RNF4: variants seen among roughly 807,000 people sequenced by gnomAD.
RNF4 encodes ring finger protein 4.
Under a neutral mutation model 24.3 loss-of-function variants are expected in RNF4, and 7 were observed. That is an observed-to-expected ratio of 0.29 (90% CI 0.16 to 0.54). The LOEUF (loss-of-function observed/expected upper bound fraction) is 0.54. RNF4 is among the 20% of genes least tolerant of loss of function. The pLI is 0.95. For synonymous variants in RNF4, 83 were observed against 84.3 expected, an observed-to-expected ratio of 0.98 and a Z score of 0.09; for missense variants, 209 against 248.5, an observed-to-expected ratio of 0.84 and a Z score of 1.07.
intron 4 of RNF4, among the ~76,000 whole-genome samples, chr4:2,508,577 G>T (rs1442813763): frequency 6.6e-6 from 1 of 151,978 alleles, no homozygotes; most frequent in Admixed American, 6.6e-5. Flanking sequence ...TTGTTTGTTT[G>T]GTTTTTGTTT....
At chr4:2,486,922 T>G (rs1735428285) in intron 1 of RNF4, among the ~76,000 whole-genome samples, 1 of 152,188 alleles carries the variant, frequency 6.6e-6, no homozygotes, top group East Asian at 1.9e-4. Context: ...AGATATTTCT[T>G]GAGATCAGAA....
At chr4:2,474,125 C>T (rs1379689584) in intron 1 of RNF4, among the ~76,000 whole-genome samples, 1 of 152,046 alleles carries the variant, frequency 6.6e-6, no homozygotes, top group East Asian at 1.9e-4. Flanking sequence ...CCTGTAATCC[C>T]AGCACTTTGG....
intron 3 of RNF4, among the ~76,000 whole-genome samples, chr4:2,497,538 T>C (rs947715393): frequency 1.3e-5 from 2 of 152,222 alleles, no homozygotes; most frequent in Non-Finnish European, 2.9e-5. Context: ...GGATTTCCCC[T>C]TCTGCCTGCT....
At chr4:2,504,576 A>G (rs1209687773) in intron 4 of RNF4, among the ~76,000 whole-genome samples, 1 of 141,856 alleles carries the variant, frequency 7.0e-6, no homozygotes, top group Non-Finnish European at 1.5e-5. Flanking sequence ...TTTGAGACAG[A>G]GTCTTGCACT....
Position 2,513,724 on chromosome 4 carries a change from A to G in RNF4, c.478A>G (p.Ser160Gly). ...VSTECGHVFC[S>G]QCLRDSLKNA... ...CACAGAATGCGGCCATGTCTTCTGT[A>G]GCCAGTGCCTCCGTGATTCCCTGAA... The change falls in exon 8 of 8, where the codon AGC (serine) becomes GGC (glycine). Residue 160 changes from serine to glycine, a missense_variant. Coordinates refer to ENST00000314289, the MANE Select transcript of RNF4 (RefSeq NM_002938.5). The G allele has an allele frequency of 6.2e-7, 1 of 1,614,004 alleles. No individual in the cohort carries two copies. Among genetic ancestry groups the G allele is most frequent in the East Asian group, 2.2e-5 (1 of 44,892 alleles).
At position 2,513,990 on chromosome 4, in the gene RNF4, C is replaced by T; in HGVS notation, c.*171C>T. The T allele has an allele frequency of 1.1e-6, 1 of 885,096 alleles. No homozygotes were observed. Among genetic ancestry groups the T allele is most frequent in the Non-Finnish European group, 1.7e-6 (1 of 582,452 alleles). 54.8% of individuals were successfully genotyped at this position (885,096 alleles called of 1,614,324 possible). On this transcript the variant is annotated 3_prime_UTR_variant, in exon 8 of 8. Coordinates refer to ENST00000314289, the MANE Select transcript of RNF4 (RefSeq NM_002938.5). ...TCCTTTTGTTATCTCCAGTTTGATG[C>T]TATGGCGCTGGACCCAGGGCCCTCC... is the stretch of plus-strand genomic sequence containing the variant.
intron 2 of RNF4, among the ~76,000 whole-genome samples, chr4:2,495,406 G>A (rs182302787): frequency 2.0e-5 from 3 of 152,248 alleles, no homozygotes; most frequent in African/African-American, 4.8e-5. Context: ...TAAGGAATTG[G>A]GATAGTAGTA....
intron 4 of RNF4, among the ~76,000 whole-genome samples, chr4:2,508,812 A>G (rs545794045): frequency 1.3e-4 from 18 of 143,424 alleles, no homozygotes; most frequent in African/African-American, 4.4e-4. Flanking sequence ...GGGTTTCTCC[A>G]TGTTGGTCAG....
At position 2,512,108 on chromosome 4, in the gene RNF4, C is replaced by G; in HGVS notation, c.214+143C>G. 1.4e-6 allele frequency: 1 copy of G among 730,022 alleles called. No individual in the cohort carries two copies. The allele number at this position is 730,022 out of a possible 1,614,324, so 45.2% of individuals were successfully genotyped here. A position where few individuals can be genotyped will look rare whatever the true frequency, so the allele number is the denominator to read the frequency against. On this transcript the variant is annotated intron_variant, in intron 5 of 7. Transcript: ENST00000314289. The surrounding 1 kb of genome is among the most constrained non-coding windows in gnomAD (Gnocchi z 4.1). ...AAGATGCCTTCGCAGATGCTGTGGT[C>G]AGACCCACACAGCCAGTCCCCCTTG...
intron 3 of RNF4, among the ~76,000 whole-genome samples, chr4:2,500,365 C>T (rs563316027): frequency 1.3e-5 from 2 of 152,168 alleles, no homozygotes; most frequent in East Asian, 1.9e-4. Context: ...GAGGCATAGC[C>T]GTGTGGAAGT....
chr4:2,490,644 C>G lies in RNF4; in HGVS notation c.9+142C>G, dbSNP rs540445603. ...TTGAAGGAGTATGTATAGGAGCTTT[C>G]TGGTGGTTACATCAGCTTACTTACC... On this transcript the variant is annotated intron_variant, in intron 2 of 7. Coordinates refer to ENST00000314289, the MANE Select transcript of RNF4 (RefSeq NM_002938.5). 8 of 808,770 alleles carry G rather than the reference C, an allele frequency of 9.9e-6. No homozygotes were observed. In the African/African-American group the frequency reaches 1.4e-4, roughly 14 times the overall value. 50.1% of individuals were successfully genotyped at this position (808,770 alleles called of 1,614,324 possible). A position where few individuals can be genotyped will look rare whatever the true frequency, so the allele number is the denominator to read the frequency against.
In RNF4 at chr4:2,515,057, TG is replaced by T. The variant is rs35678836; in HGVS notation, c.*1244del. The T allele has an allele frequency of 0.85, 128,937 of 152,488 alleles. 54,923 individuals are homozygous for T. Among genetic ancestry groups the T allele is most frequent in the Middle Eastern group, 0.91 (268 of 294 alleles). 9.4% of individuals were successfully genotyped at this position (152,488 alleles called of 1,614,324 possible). ...AAGCTGCCCCTGACAGCACAGGGCC[TG>T]GGGGGTGGCTAACGAGAGAGGCCTT... On this transcript the variant is annotated 3_prime_UTR_variant, in exon 8 of 8. Transcript: ENST00000314289.
intron 4 of RNF4, among the ~76,000 whole-genome samples, chr4:2,504,158 G>T (rs1354816955): frequency 6.6e-6 from 1 of 152,172 alleles, no homozygotes; most frequent in African/African-American, 2.4e-5. Context: ...TGAAAAATGC[G>T]GTAAGATGCA....
rs1163273176 is a variant in RNF4 at position 2,502,870 on chromosome 4, AAAC to A, written c.204+2134_204+2136del. 8.6e-5 allele frequency among the ~76,000 whole-genome samples: 13 copies of A among 151,724 alleles called. No individual in the cohort carries two copies. In the East Asian group the frequency reaches 2.5e-3, roughly 29 times the overall value. On this transcript the variant is annotated intron_variant, in intron 4 of 7. Transcript: ENST00000314289. Reference sequence around the variant, plus strand: ...AAAAAAAAAAAAAAGAAAAGAAAAGAAACAGGGTCTCACTCTGTTGCCCAGGCT... The same window carrying A: ...AAAAAAAAAAAAAAGAAAAGAAAAGAAGGGTCTCACTCTGTTGCCCAGGCT...
chr4:2,495,227 T>TC (rs1272494292), intron 2 of RNF4, among the ~76,000 whole-genome samples: 1 of 152,154 alleles, frequency 6.6e-6, no homozygotes, highest in African/African-American at 2.4e-5. Context: ...TTCCAAAACA[T>TC]CTCAAGCTGC....
chr4:2,495,511 TTAG>T (rs1226355151), intron 2 of RNF4, among the ~76,000 whole-genome samples: 1 of 152,154 alleles, frequency 6.6e-6, no homozygotes, highest in African/African-American at 2.4e-5. Flanking sequence ...AACTTGAGAC[TTAG>T]TAGTGCAGTA....
At chr4:2,474,718 T>A (rs1735015578) in intron 1 of RNF4, among the ~76,000 whole-genome samples, 1 of 152,108 alleles carries the variant, frequency 6.6e-6, no homozygotes, top group Non-Finnish European at 1.5e-5. Context: ...TGCAGCAAAC[T>A]TCATTTTAAG....
chr4:2,513,259 C>T, intron 7 of RNF4, 128 bp downstream of exon 7: 2 of 869,962 alleles, frequency 2.3e-6, no homozygotes, highest in South Asian at 1.4e-5. Flanking sequence ...TGGGCCGTCA[C>T]TTATTGCAGA....
chr4:2,512,390 G>T lies in RNF4; in HGVS notation c.215-48G>T. The T allele has an allele frequency of 1.3e-6, 2 of 1,566,738 alleles. No homozygotes were observed. Among genetic ancestry groups the T allele is most frequent in the Non-Finnish European group, 1.7e-6 (2 of 1,155,242 alleles). On this transcript the variant is annotated intron_variant, in intron 5 of 7. Coordinates refer to ENST00000314289, the MANE Select transcript of RNF4 (RefSeq NM_002938.5). This position sits in a 1 kb window ranked among gnomAD's most constrained non-coding sequence, Gnocchi z 4.1. ...GCGTCAGGATGGGAGTGGTGAGGAT[G>T]GTAAGAGTAGAGAGCCTCCAACCTG... is the stretch of plus-strand genomic sequence containing the variant.
Sources: allele counts gnomAD v4.1 joint callset (sites outside exome capture counted in the v4.1 genomes callset), GRCh38; gene constraint gnomAD v4.1.1; non-coding constraint Gnocchi (gnomAD v3.1); transcripts MANE v1.5; gene names NCBI Gene and HGNC (gene_info 2026-07-23, HGNC 2026-07-21).